PTPRD: variants seen among roughly 807,000 people sequenced by gnomAD.
PTPRD encodes the protein protein tyrosine phosphatase receptor type D, also known as receptor-type tyrosine-protein phosphatase delta.
PTPRD carries 34 observed loss-of-function variants against 214.5 expected under a neutral mutation model. The ratio of observed to expected loss-of-function variants is 0.16; its 90% CI spans 0.12 to 0.21. The LOEUF is 0.21. PTPRD is among the 10% of genes least tolerant of loss of function. The pLI is 1.00. For missense variants in PTPRD, 2,545 were observed against 2,398.7 expected (o/e 1.06, Z -1.27); for synonymous variants, 1,128 against 845.7 (o/e 1.33, Z -5.79).
At chr9:9,868,821 A>T (rs1173644531) in intron 5 of PTPRD, among the ~76,000 whole-genome samples, 1 of 151,184 alleles carries the variant, frequency 6.6e-6, no homozygotes, top group East Asian at 1.9e-4. Flanking sequence ...TAAATCTCTC[A>T]TCTACAACAC....
chr9:9,457,750 T>A (rs1191240257), intron 8 of PTPRD, among the ~76,000 whole-genome samples: 1 of 150,050 alleles, frequency 6.7e-6, no homozygotes, highest in Non-Finnish European at 1.5e-5. Flanking sequence ...GTATCTATAT[T>A]TTTAAATGTT....
chr9:9,612,101 T>C (rs1420422942), intron 7 of PTPRD, among the ~76,000 whole-genome samples: 1 of 152,274 alleles, frequency 6.6e-6, no homozygotes, highest in African/African-American at 2.4e-5. Context: ...ATAATGAAAA[T>C]ATATGTAAAT....
chr9:10,118,368 A>C (rs759646945), intron 3 of PTPRD, among the ~76,000 whole-genome samples: 50 of 151,776 alleles, frequency 3.3e-4, no homozygotes, highest in Non-Finnish European at 6.2e-4. Context: ...TCATGCCAAA[A>C]GAAATAATAT....
rs192028567 is a variant in PTPRD at position 8,683,178 on chromosome 9, A to G, written c.65-46334T>C. ...ATACCACTTTTGAGTGCCACACACA[A>G]AGCTGTATTTTCTGCATGTGCTGTG... On this transcript the variant is annotated intron_variant, in intron 12 of 45. Coordinates refer to ENST00000381196, the MANE Select transcript of PTPRD (RefSeq NM_002839.4). Among the ~76,000 whole-genome samples the G allele has an allele frequency of 6.2e-4, 94 of 152,304 alleles. 1 individual carries two copies. Among genetic ancestry groups the G allele is most frequent in the African/African-American group, 2.2e-3 (90 of 41,570 alleles).
chr9:10,448,690 G>A (rs73390312), intron 2 of PTPRD, among the ~76,000 whole-genome samples: 17,714 of 151,838 alleles, frequency 0.12, 2,175 homozygotes, highest in African/African-American at 0.29. Context: ...TAGAGCTAAG[G>A]ATGTTTAGTT....
chr9:9,571,300 G>A (rs7850579), intron 8 of PTPRD, among the ~76,000 whole-genome samples: 49,821 of 150,928 alleles, frequency 0.33, 8,501 homozygotes, highest in African/African-American at 0.39. Context: ...AAAAAGATAT[G>A]TATGTCTCTC....
intron 2 of PTPRD, among the ~76,000 whole-genome samples, chr9:10,367,343 G>A (rs150051498): frequency 1.3e-5 from 2 of 152,158 alleles, no homozygotes; most frequent in African/African-American, 4.8e-5. Context: ...AAGTCATCTT[G>A]ACCTTTCTTT....
chr9:10,261,770 G>C (rs1356710272), intron 3 of PTPRD, among the ~76,000 whole-genome samples: 4 of 152,040 alleles, frequency 2.6e-5, no homozygotes, highest in Non-Finnish European at 5.9e-5. Context: ...CTTATAAAAA[G>C]TGATAATGGC....
chr9:8,814,371 T>C (rs996537164), intron 11 of PTPRD, among the ~76,000 whole-genome samples: 1 of 151,938 alleles, frequency 6.6e-6, no homozygotes, highest in Non-Finnish European at 1.5e-5. Context: ...GGAGAACGCT[T>C]TAAGTGAAGG....
chr9:9,026,079 G>C (rs62531094), intron 10 of PTPRD, among the ~76,000 whole-genome samples: 58,800 of 151,764 alleles, frequency 0.39, 11,498 homozygotes, highest in South Asian at 0.44. Context: ...AGGGTATTGT[G>C]GTAGTGAATG....
intron 2 of PTPRD, among the ~76,000 whole-genome samples, chr9:10,475,131 G>A (rs1156900970): frequency 2.0e-5 from 3 of 151,980 alleles, no homozygotes; most frequent in East Asian, 3.9e-4. Context: ...AAATAACTAA[G>A]ATTAGAGCAG....
At chr9:8,978,674 C>T (rs2154338644) in intron 11 of PTPRD, among the ~76,000 whole-genome samples, 1 of 152,202 alleles carries the variant, frequency 6.6e-6, no homozygotes. Context: ...TGGCTTGTGC[C>T]AGGCACAAGT....
intron 9 of PTPRD, among the ~76,000 whole-genome samples, chr9:9,297,888 A>G (rs1396120831): frequency 6.6e-6 from 1 of 151,710 alleles, no homozygotes; most frequent in Non-Finnish European, 1.5e-5. Flanking sequence ...CTTTACATAT[A>G]GTAGATCATA....
At chr9:9,839,998 T>C (rs890387653) in intron 5 of PTPRD, among the ~76,000 whole-genome samples, 3 of 151,934 alleles carry the variant, frequency 2.0e-5, no homozygotes, top group Non-Finnish European at 4.4e-5. Context: ...ATACTAACAG[T>C]AGTTAGAGTG....
At chr9:10,362,055 T>G (rs2097403028) in intron 2 of PTPRD, among the ~76,000 whole-genome samples, 1 of 152,182 alleles carries the variant, frequency 6.6e-6, no homozygotes, top group Admixed American at 6.5e-5. Flanking sequence ...GTCTTCTCCA[T>G]CAACATCTAG....
chr9:10,162,418 T>C (rs1247970948), intron 3 of PTPRD, among the ~76,000 whole-genome samples: 2 of 151,148 alleles, frequency 1.3e-5, no homozygotes, highest in African/African-American at 2.4e-5. Context: ...CTGTATATCA[T>C]TATATTAAGT....
At chr9:9,102,959 T>G (rs376256023) in intron 10 of PTPRD, among the ~76,000 whole-genome samples, 14 of 152,364 alleles carry the variant, frequency 9.2e-5, no homozygotes, top group African/African-American at 3.4e-4. Flanking sequence ...AGGTATTGAT[T>G]TATTTGTGTC....
chr9:9,284,240 G>T (rs1478419444), intron 9 of PTPRD, among the ~76,000 whole-genome samples: 1 of 151,604 alleles, frequency 6.6e-6, no homozygotes, highest in Non-Finnish European at 1.5e-5. Flanking sequence ...TTGACCTGTA[G>T]GTTCAGCTTA....
At position 8,554,864 on chromosome 9, in the gene PTPRD, C is replaced by T. The variant is rs531252396; in HGVS notation, c.353-26085G>A. 7.4e-4 allele frequency among the ~76,000 whole-genome samples: 113 copies of T among 152,190 alleles called. 1 individual carries two copies. Among genetic ancestry groups the T allele is most frequent in the Middle Eastern group, 3.4e-3 (1 of 292 alleles). The stretch of plus-strand genomic sequence containing the variant: ...TTTTATACGCTTTCTATCATTTTTA[C>T]GGGCTTTGGTGTTGGAAGAGTAAGG... On this transcript the variant is annotated intron_variant, in intron 14 of 45. Coordinates refer to ENST00000381196, the MANE Select transcript of PTPRD (RefSeq NM_002839.4).
Sources: allele counts gnomAD v4.1 joint callset (sites outside exome capture counted in the v4.1 genomes callset), GRCh38; gene constraint gnomAD v4.1.1; transcripts MANE v1.5; gene names NCBI Gene and HGNC (gene_info 2026-07-23, HGNC 2026-07-21).